The following TBC1D22B variants were observed in gnomAD, a reference collection of about 807,000 sequenced individuals.
The protein encoded by TBC1D22B is TBC1 domain family member 22B.
A neutral mutation model predicts 69.1 loss-of-function variants in TBC1D22B; 32 were observed. The ratio of observed to expected loss-of-function variants is 0.46; its 90% CI spans 0.35 to 0.62. The LOEUF (loss-of-function observed/expected upper bound fraction) is 0.62, where lower values mean the gene tolerates loss of function less well. Among genes scored for constraint, TBC1D22B ranks in the 20% least tolerant of loss-of-function variants. TBC1D22B has a pLI of 0.00. For synonymous variants in TBC1D22B, 206 were observed against 229.8 expected, an observed-to-expected ratio of 0.90 and a Z score of 0.94; for missense variants, 462 against 630.9, an observed-to-expected ratio of 0.73 and a Z score of 2.87.
At chr6:37,267,371 TACACAC>T (rs1562039537) in intron 1 of TBC1D22B, among the ~76,000 whole-genome samples, 32 of 83,662 alleles carry the variant, frequency 3.8e-4, no homozygotes, top group African/African-American at 1.2e-3. Context: ...ATAATATATA[TACACAC>T]ATATATAATA....
intron 3 of TBC1D22B, among the ~76,000 whole-genome samples, chr6:37,280,676 C>G (rs138636817): frequency 8.5e-5 from 13 of 152,240 alleles, no homozygotes; most frequent in Admixed American, 3.9e-4. Context: ...GGACCTCCCC[C>G]GCCCAGCCCA....
At chr6:37,301,116 C>T (rs1329057629) in intron 8 of TBC1D22B, among the ~76,000 whole-genome samples, 5 of 152,162 alleles carry the variant, frequency 3.3e-5, no homozygotes. Flanking sequence ...CCAGGTTCAT[C>T]TGGTTGAACT....
intron 8 of TBC1D22B, among the ~76,000 whole-genome samples, chr6:37,300,998 A>G (rs1181292531): frequency 2.0e-5 from 3 of 152,090 alleles, no homozygotes; most frequent in Non-Finnish European, 4.4e-5. Flanking sequence ...CCTGGCAGCC[A>G]CTACTCTGTC....
intron 8 of TBC1D22B, among the ~76,000 whole-genome samples, chr6:37,311,534 G>A (rs7768639): frequency 0.032 from 4,809 of 152,080 alleles, 238 homozygotes; most frequent in African/African-American, 0.11. Flanking sequence ...TTAGCTGGGC[G>A]TGGTTGTATG....
At chr6:37,313,954 G>T in intron 10 of TBC1D22B, 63 bp downstream of exon 10, 1 of 1,465,806 alleles carries the variant, frequency 6.8e-7, no homozygotes, top group South Asian at 1.1e-5. Context: ...TGAGGCGGTT[G>T]TGCTTGTGGG....
At chr6:37,306,691 T>G (rs745481155) in intron 8 of TBC1D22B, among the ~76,000 whole-genome samples, 5 of 152,174 alleles carry the variant, frequency 3.3e-5, no homozygotes, top group Non-Finnish European at 5.9e-5. Flanking sequence ...GGTATGTTGG[T>G]TTTTAAAATT....
intron 7 of TBC1D22B, among the ~76,000 whole-genome samples, chr6:37,288,220 A>G (rs1767066047): frequency 6.6e-6 from 1 of 152,206 alleles, no homozygotes; most frequent in South Asian, 2.1e-4. Context: ...AAGATTTTGA[A>G]GGTAACATCA....
At chr6:37,300,573 G>C (rs963440611) in intron 8 of TBC1D22B, among the ~76,000 whole-genome samples, 1 of 151,900 alleles carries the variant, frequency 6.6e-6, no homozygotes. Flanking sequence ...CGCTGGCCAG[G>C]CTGGTCTGGA....
At chr6:37,277,344 G>A (rs185380149) in intron 2 of TBC1D22B, among the ~76,000 whole-genome samples, 178 of 152,300 alleles carry the variant, frequency 1.2e-3, no homozygotes, top group African/African-American at 3.9e-3. Flanking sequence ...CCCTGAGGTG[G>A]TACTGCAGGT....
chr6:37,329,249 T>G (rs1768515894), intron 12 of TBC1D22B, among the ~76,000 whole-genome samples: 1 of 152,216 alleles, frequency 6.6e-6, no homozygotes, highest in Non-Finnish European at 1.5e-5. Context: ...ATACTGTAAA[T>G]ATTGTTCTGC....
intron 2 of TBC1D22B, among the ~76,000 whole-genome samples, chr6:37,277,654 G>C (rs1766707243): frequency 6.6e-6 from 1 of 151,684 alleles, no homozygotes; most frequent in Admixed American, 6.6e-5. Flanking sequence ...TTTTAGTAGA[G>C]ATGGGGTTTC....
chr6:37,295,472 C>G (rs1767335559), intron 8 of TBC1D22B: 1 of 248,626 alleles, frequency 4.0e-6, no homozygotes, highest in Non-Finnish European at 8.3e-6. Flanking sequence ...TTATTTTAAG[C>G]TTTACATTTT....
chr6:37,283,552 C>A (rs1766909316), intron 5 of TBC1D22B, among the ~76,000 whole-genome samples: 1 of 152,260 alleles, frequency 6.6e-6, no homozygotes, highest in Non-Finnish European at 1.5e-5. Context: ...CAGGCACTCA[C>A]TGCAGAATGC....
At chr6:37,279,700 G>A (rs987966343) in intron 3 of TBC1D22B, 89 bp downstream of exon 3, 6 of 1,351,336 alleles carry the variant, frequency 4.4e-6, no homozygotes, top group African/African-American at 2.9e-5. Context: ...GCCTCACTCA[G>A]GTAGATATTC....
chr6:37,325,388 ACT>A (rs1768360233), intron 12 of TBC1D22B, among the ~76,000 whole-genome samples: 1 of 151,888 alleles, frequency 6.6e-6, no homozygotes, highest in Admixed American at 6.6e-5. Context: ...ATCTCATCTG[ACT>A]GCATGTGATA....
chr6:37,275,753 G>T (rs183246536), intron 2 of TBC1D22B, among the ~76,000 whole-genome samples: 147 of 152,248 alleles, frequency 9.7e-4, no homozygotes, highest in Non-Finnish European at 1.8e-3. Context: ...TATGAATATG[G>T]CTAGTGAGTA....
chr6:37,289,943 C>T (rs1767125680), intron 7 of TBC1D22B, among the ~76,000 whole-genome samples: 1 of 152,180 alleles, frequency 6.6e-6, no homozygotes, highest in Non-Finnish European at 1.5e-5. Context: ...AGCTCCCTTC[C>T]AGGAAAGGCT....
chr6:37,279,690 G>C, intron 3 of TBC1D22B, 79 bp downstream of exon 3: 1 of 1,418,082 alleles, frequency 7.1e-7, no homozygotes, highest in Non-Finnish European at 9.5e-7. Flanking sequence ...TTTCTTTGGG[G>C]CCTCACTCAG....
chr6:37,282,083 A>T, intron 3 of TBC1D22B, 102 bp from the exon 4 acceptor site: 1 of 1,367,326 alleles, frequency 7.3e-7, no homozygotes, highest in Admixed American at 1.7e-5. Flanking sequence ...AGGCAGCCAC[A>T]CCCTTGGGGA....
Sources: allele counts gnomAD v4.1 joint callset (sites outside exome capture counted in the v4.1 genomes callset), GRCh38; gene constraint gnomAD v4.1.1; transcripts MANE v1.5; gene names NCBI Gene and HGNC (gene_info 2026-07-23, HGNC 2026-07-21).